PLCG2: variants seen among roughly 807,000 people sequenced by gnomAD.
PLCG2 encodes the protein 1-phosphatidylinositol 4,5-bisphosphate phosphodiesterase gamma-2.
PLCG2 carries 69 observed loss-of-function variants against 175.6 expected under a neutral mutation model. The observed-to-expected ratio is 0.39, with a 90% confidence interval of 0.32 to 0.48. PLCG2 has a LOEUF of 0.48. Among genes scored for constraint, PLCG2 ranks in the 20% least tolerant of loss-of-function variants. PLCG2 has a pLI of 0.91. For synonymous variants in PLCG2, 827 were observed against 624.0 expected, an observed-to-expected ratio of 1.33 and a Z score of -4.85; for missense variants, 1,798 against 1,650.9, an observed-to-expected ratio of 1.09 and a Z score of -1.54.
chr16:81,823,392 G>C (rs72834769), intron 2 of PLCG2, among the ~76,000 whole-genome samples: 23,387 of 152,208 alleles, frequency 0.15, 1,935 homozygotes, highest in Non-Finnish European at 0.19. Flanking sequence ...CTGAAATGCT[G>C]CTCCCCACCC....
chr16:81,803,371 C>G (rs1469157214), intron 2 of PLCG2, among the ~76,000 whole-genome samples: 1 of 152,016 alleles, frequency 6.6e-6, no homozygotes, highest in Non-Finnish European at 1.5e-5. Flanking sequence ...AAGGTTCGTT[C>G]ATATTGTAGC....
rs1909478578 is a variant in PLCG2 at position 81,908,549 on chromosome 16, G to A, written c.1691G>A (p.Arg564Gln). ...TGGKDGTFLV[R>Q]ESETFPNDYT... ...GGCAAGGATGGCACCTTCCTGGTTC[G>A]GGAGAGCGAGACCTTCCCCAATGAC... Residue 564 changes from arginine (R) to glutamine (Q), a missense_variant, in exon 17 of 33, where the codon CGG (arginine) becomes CAG (glutamine). Coordinates refer to ENST00000564138, the MANE Select transcript of PLCG2 (RefSeq NM_002661.5). 1.2e-6 allele frequency: 2 copies of A among 1,612,738 alleles called. No individual in the cohort carries two copies. Among genetic ancestry groups the A allele is most frequent in the Admixed American group, 1.7e-5 (1 of 59,960 alleles).
At chr16:81,858,907 C>T (rs1379248788) in intron 4 of PLCG2, among the ~76,000 whole-genome samples, 3 of 152,176 alleles carry the variant, frequency 2.0e-5, no homozygotes, top group African/African-American at 7.2e-5. Context: ...TGTAAAGAAA[C>T]CTGGCCTTTT....
At chr16:81,957,862 C>T (rs1911637892) in intron 32 of PLCG2, 94 bp from the exon 33 acceptor site, 2 of 1,127,072 alleles carry the variant, frequency 1.8e-6, no homozygotes, top group South Asian at 2.6e-5. Context: ...CTATGAATGA[C>T]TGGCAAATGT....
chr16:81,906,194 C>G (rs1416161242), intron 15 of PLCG2: 1 of 152,180 alleles, frequency 6.6e-6, no homozygotes, highest in Non-Finnish European at 1.5e-5. Context: ...ACTGTGTTCA[C>G]TCAGGCTATT....
At chr16:81,784,896 C>G (rs187536603) in intron 1 of PLCG2, among the ~76,000 whole-genome samples, 42 of 152,082 alleles carry the variant, frequency 2.8e-4, no homozygotes, top group African/African-American at 1.0e-3. Context: ...CAATGTGTTT[C>G]TGGGGATTTG....
intron 2 of PLCG2, among the ~76,000 whole-genome samples, chr16:81,810,999 C>A (rs377527136): frequency 6.6e-6 from 1 of 152,222 alleles, no homozygotes; most frequent in African/African-American, 2.4e-5. Flanking sequence ...TAACAGTGGC[C>A]TTCCTGGCCC....
chr16:81,805,554 A>G (rs138737146), intron 2 of PLCG2, among the ~76,000 whole-genome samples: 109 of 151,274 alleles, frequency 7.2e-4, no homozygotes, highest in African/African-American at 2.6e-3. Context: ...AACCAAAAAC[A>G]AAAGCTCAAC....
chr16:81,919,635 A>G lies in PLCG2; in HGVS notation c.2206A>G (p.Thr736Ala). ...YRKMRLRYPV[T>A]PELLERYNME... is the part of the protein sequence containing the mutation. ...AAAGATGAGACTGCGCTACCCCGTG[A>G]CCCCCGAGCTCCTGGAGCGCTACAA... Residue 736 changes from threonine to alanine, a missense_variant, in exon 20 of 33, where the codon ACC becomes GCC. Coordinates refer to ENST00000564138, the MANE Select transcript of PLCG2 (RefSeq NM_002661.5). 1 of 1,613,858 alleles carries G rather than the reference A, an allele frequency of 6.2e-7. No individual in the cohort carries two copies. The highest frequency in any genetic ancestry group is 1.3e-5 in the African/African-American group (1 of 74,944).
intron 19 of PLCG2, among the ~76,000 whole-genome samples, chr16:81,916,034 T>A (rs911062759): frequency 6.6e-6 from 1 of 152,190 alleles, no homozygotes; most frequent in Non-Finnish European, 1.5e-5. Context: ...ATGGAAAATA[T>A]ATGGTGCCAT....
chr16:81,937,297 C>G (rs1910756482), intron 27 of PLCG2: 1 of 152,458 alleles, frequency 6.6e-6, no homozygotes, highest in Non-Finnish European at 1.5e-5. Context: ...TCCATTAGAG[C>G]TTCTTCTTGT....
At chr16:81,757,574 A>G (rs939381849) in intron 2 of PLCG2, among the ~76,000 whole-genome samples, 5 of 152,244 alleles carry the variant, frequency 3.3e-5, no homozygotes, top group African/African-American at 1.2e-4. Flanking sequence ...AAAAAAGAAA[A>G]AAGACAAGAA....
intron 30 of PLCG2, among the ~76,000 whole-genome samples, chr16:81,941,795 TC>T (rs1910953340): frequency 1.3e-5 from 2 of 151,780 alleles, no homozygotes; most frequent in South Asian, 4.2e-4. Flanking sequence ...CTCAGCCTCC[TC>T]AGTAGCTGGG....
At chr16:81,841,132 C>T (rs1905803961) in intron 2 of PLCG2, among the ~76,000 whole-genome samples, 1 of 152,332 alleles carries the variant, frequency 6.6e-6, no homozygotes, top group South Asian at 2.1e-4. Context: ...GGCAACAACT[C>T]TGTTGTTTAT....
chr16:81,801,281 C>T (rs1911705721), intron 2 of PLCG2, among the ~76,000 whole-genome samples: 1 of 152,160 alleles, frequency 6.6e-6, no homozygotes, highest in South Asian at 2.1e-4. Context: ...GTACCCTTCC[C>T]TCCCTAGAGA....
At chr16:81,899,459 A>G (rs188509973) in intron 13 of PLCG2, among the ~76,000 whole-genome samples, 123 of 152,256 alleles carry the variant, frequency 8.1e-4, no homozygotes, top group African/African-American at 2.8e-3. Context: ...CCCAAATCAA[A>G]TCTCAAAGCA....
At chr16:81,935,639 G>A in intron 26 of PLCG2, 1 of 985,374 alleles carries the variant, frequency 1.0e-6, no homozygotes, top group Non-Finnish European at 1.2e-6. Context: ...TCAGCATGTT[G>A]ACTGCCGGGC....
chr16:81,931,335 T>C lies in PLCG2; in HGVS notation c.2582-162T>C, dbSNP rs1910493651. 1.0e-5 allele frequency: 6 copies of C among 586,442 alleles called. No individual in the cohort carries two copies. In the South Asian group the frequency reaches 1.5e-4, roughly 14 times the overall value. 36.3% of individuals were successfully genotyped at this position (586,442 alleles called of 1,614,324 possible). ...GCATCCCTTGAGTAGTCATCTGTGA[T>C]GTGTACTTACCCCGATGGAAAGTAG... On this transcript the variant is annotated intron_variant, in intron 24 of 32. Transcript: ENST00000564138.
intron 26 of PLCG2, 34 bp from the exon 27 acceptor site, chr16:81,936,135 C>A (rs1283213221): frequency 4.3e-6 from 7 of 1,611,190 alleles, no homozygotes; most frequent in African/African-American, 2.7e-5. Flanking sequence ...AGATGAGACA[C>A]AGAAGTACTG....
Sources: gnomAD v4.1 joint callset for allele counts (sites outside exome capture counted in the v4.1 genomes callset) on GRCh38, gnomAD v4.1.1 for gene constraint, MANE v1.5 for transcripts, NCBI Gene and HGNC (gene_info 2026-07-23, HGNC 2026-07-21) for gene names.